CMC1: variants seen among roughly 807,000 people sequenced by gnomAD.
CMC1 encodes COX assembly mitochondrial protein homolog.
In CMC1, 14 loss-of-function variants were observed where a neutral mutation model predicts 14.1. The observed-to-expected ratio is 0.99, with a 90% CI of 0.66 to 1.55. The LOEUF is 1.55. Ranked by LOEUF, CMC1 falls within the 40% of genes most tolerant of loss-of-function variation. The probability of loss-of-function intolerance (pLI) is 0.00; values close to 1 mark genes in which losing one functional copy is unlikely to be tolerated. For synonymous variants in CMC1, 50 were observed against 38.4 expected, an observed-to-expected ratio of 1.30 and a Z score of -1.12; for missense variants, 127 against 123.8, an observed-to-expected ratio of 1.03 and a Z score of -0.12.
chr3:28,302,119 T>G (rs1702083773), intron 2 of CMC1, among the ~76,000 whole-genome samples: 1 of 152,190 alleles, frequency 6.6e-6, no homozygotes, highest in Non-Finnish European at 1.5e-5. Context: ...AAGTAGTATT[T>G]AATGGTCACT....
chr3:28,293,302 A>T (rs5003244), intron 2 of CMC1, among the ~76,000 whole-genome samples: 6 of 150,172 alleles, frequency 4.0e-5, no homozygotes, highest in Non-Finnish European at 7.4e-5. Flanking sequence ...CTACAAATAG[A>T]GGGACTTTTT....
chr3:28,300,115 A>G (rs370278158), intron 2 of CMC1, among the ~76,000 whole-genome samples: 1 of 152,096 alleles, frequency 6.6e-6, no homozygotes, highest in African/African-American at 2.4e-5. Context: ...AAAACTGAAA[A>G]TTTGGACTTA....
intron 2 of CMC1, among the ~76,000 whole-genome samples, chr3:28,272,880 T>A (rs1243647998): frequency 6.6e-6 from 1 of 152,018 alleles, no homozygotes; most frequent in Non-Finnish European, 1.5e-5. Flanking sequence ...AGAGATGGGG[T>A]TTCACTATGT....
intron 2 of CMC1, among the ~76,000 whole-genome samples, chr3:28,290,595 G>T (rs1413179037): frequency 6.6e-6 from 1 of 152,020 alleles, no homozygotes; most frequent in Non-Finnish European, 1.5e-5. Flanking sequence ...AAGCTTAACT[G>T]TGATATATCT....
At chr3:28,317,140 A>T (rs940491057) in intron 3 of CMC1, 4 of 152,036 alleles carry the variant, frequency 2.6e-5, no homozygotes, top group African/African-American at 9.7e-5. Flanking sequence ...CGTATATGTC[A>T]GTATGGTATG....
At chr3:28,308,116 C>T (rs1287084920) in intron 2 of CMC1, among the ~76,000 whole-genome samples, 2 of 152,156 alleles carry the variant, frequency 1.3e-5, no homozygotes, top group Admixed American at 6.6e-5. Context: ...AAAGTTAATT[C>T]TGTCTGCATC....
At chr3:28,298,657 G>T (rs1214460234) in intron 2 of CMC1, among the ~76,000 whole-genome samples, 1 of 151,586 alleles carries the variant, frequency 6.6e-6, no homozygotes, top group African/African-American at 2.4e-5. Context: ...ATTTCTATTT[G>T]ATTAATCCAA....
chr3:28,309,980 CA>C (rs1308426840), intron 2 of CMC1, among the ~76,000 whole-genome samples: 3 of 149,442 alleles, frequency 2.0e-5, no homozygotes, highest in Non-Finnish European at 4.4e-5. Context: ...CACACACACA[CA>C]CACACACACG....
intron 2 of CMC1, among the ~76,000 whole-genome samples, chr3:28,301,318 C>G (rs1198833004): frequency 2.0e-5 from 3 of 152,114 alleles, no homozygotes; most frequent in Non-Finnish European, 4.4e-5. Flanking sequence ...CTTCTGGGCT[C>G]AAGCGATCCT....
At chr3:28,276,778 G>C (rs576729418) in intron 2 of CMC1, among the ~76,000 whole-genome samples, 66 of 152,188 alleles carry the variant, frequency 4.3e-4, no homozygotes, top group Non-Finnish European at 7.5e-4. Context: ...TATATCTGTT[G>C]GAAAAATAAC....
rs528911971 is a variant in CMC1 at position 28,298,445 on chromosome 3, T to C, written c.110-17888T>C. Reference sequence around the variant, plus strand: ...TATATTTTATATATAATATTCTATATAAAATATATTTTTATATATAAAGTA... The same window carrying C: ...TATATTTTATATATAATATTCTATACAAAATATATTTTTATATATAAAGTA... On this transcript the variant is annotated intron_variant, in intron 2 of 3. Transcript: ENST00000466830. 4.0e-5 allele frequency: 6 copies of C among 148,326 alleles called. No homozygotes were observed. The East Asian group carries it at 9.7e-4, about 24-fold the overall frequency. 9.2% of individuals were successfully genotyped at this position (148,326 alleles called of 1,614,324 possible).
chr3:28,280,041 T>C (rs1419806584), intron 2 of CMC1, among the ~76,000 whole-genome samples: 1 of 152,212 alleles, frequency 6.6e-6, no homozygotes, highest in East Asian at 1.9e-4. Context: ...AGATGACTAA[T>C]TGTGGTGTAC....
chr3:28,304,863 A>G (rs1316211968), intron 2 of CMC1, among the ~76,000 whole-genome samples: 1 of 152,202 alleles, frequency 6.6e-6, no homozygotes, highest in African/African-American at 2.4e-5. Flanking sequence ...AACCTGGAAC[A>G]TAATCTATTT....
chr3:28,315,487 A>G (rs534111677), intron 2 of CMC1, among the ~76,000 whole-genome samples: 1 of 152,258 alleles, frequency 6.6e-6, no homozygotes, highest in Non-Finnish European at 1.5e-5. Context: ...TGTAAAAGCA[A>G]AGGGATGCCT....
chr3:28,291,988 G>T (rs2125550262), intron 2 of CMC1: 1 of 151,938 alleles, frequency 6.6e-6, no homozygotes, highest in South Asian at 2.1e-4. Context: ...AAGTGTTTTT[G>T]TTTTGTTTTG....
intron 1 of CMC1, among the ~76,000 whole-genome samples, chr3:28,249,216 A>G (rs1023043279): frequency 3.9e-5 from 6 of 152,228 alleles, no homozygotes; most frequent in African/African-American, 1.4e-4. Context: ...AAGATATGTT[A>G]ATTACCTAAA....
intron 2 of CMC1, among the ~76,000 whole-genome samples, chr3:28,280,709 A>G (rs375044895): frequency 6.6e-6 from 1 of 152,340 alleles, no homozygotes; most frequent in South Asian, 2.1e-4. Flanking sequence ...AATATGGAAT[A>G]TTGCCAAAAA....
In CMC1 at chr3:28,247,584, G is replaced by T. The variant is rs72897817; in HGVS notation, c.19+5772G>T. 3.9e-3 allele frequency among the ~76,000 whole-genome samples: 589 copies of T among 152,322 alleles called. 2 individuals carry two copies. The highest frequency in any genetic ancestry group is 0.014 in the African/African-American group (568 of 41,574). On this transcript the variant is annotated intron_variant, in intron 1 of 3. Transcript: ENST00000466830. ...GGGCAGTCCTGAGAAGGTTGCAGAT[G>T]TGAATGCTCCAACATTCTCTGCTGC...
At chr3:28,300,663 CTT>C (rs1422892670) in intron 2 of CMC1, among the ~76,000 whole-genome samples, 32 of 104,184 alleles carry the variant, frequency 3.1e-4, no homozygotes, top group Middle Eastern at 4.6e-3. Flanking sequence ...CTTTCCCTCC[CTT>C]TCCCTCCCTT....
Sources: gnomAD v4.1 joint callset for allele counts (sites outside exome capture counted in the v4.1 genomes callset) on GRCh38, gnomAD v4.1.1 for gene constraint, MANE v1.5 for transcripts, NCBI Gene and HGNC (gene_info 2026-07-23, HGNC 2026-07-21) for gene names.